Variants in ESRRG observed in about 807,000 individuals in gnomAD.
The protein encoded by ESRRG is estrogen related receptor gamma.
ESRRG carries 13 observed loss-of-function variants against 44.0 expected under a neutral mutation model. The ratio of observed to expected loss-of-function variants is 0.30; its 90% confidence interval spans 0.19 to 0.47. The LOEUF is 0.47. Among genes scored for constraint, ESRRG ranks in the 20% least tolerant of loss-of-function variants. The probability of loss-of-function intolerance (pLI) is 1.00; values close to 1 mark genes in which losing one functional copy is unlikely to be tolerated. For missense variants in ESRRG, 395 were observed against 580.6 expected (o/e 0.68, Z 3.29); for synonymous variants, 215 against 214.6 (o/e 1.00, Z -0.02).
At chr1:216,991,818 T>G (rs150065494) in intron 1 of ESRRG, among the ~76,000 whole-genome samples, 9 of 152,306 alleles carry the variant, frequency 5.9e-5, no homozygotes, top group African/African-American at 2.2e-4. Flanking sequence ...AAACTATACA[T>G]TCTGCAAATA....
At chr1:216,743,313 C>G (rs1480906052) in intron 2 of ESRRG, among the ~76,000 whole-genome samples, 1 of 152,100 alleles carries the variant, frequency 6.6e-6, no homozygotes, top group Non-Finnish European at 1.5e-5. Context: ...GGACACTGTG[C>G]CAAGGCAGCT....
intron 1 of ESRRG, among the ~76,000 whole-genome samples, chr1:217,113,633 T>C (rs1271765590): frequency 1.3e-5 from 2 of 152,124 alleles, no homozygotes; most frequent in Non-Finnish European, 2.9e-5. Context: ...TCGAAATAGT[T>C]TGTTCTCAGA....
At chr1:216,779,505 TA>T (rs2093828337) in intron 2 of ESRRG, among the ~76,000 whole-genome samples, 8 of 89,660 alleles carry the variant, frequency 8.9e-5, no homozygotes, top group African/African-American at 3.7e-4. Flanking sequence ...TATATATAAA[TA>T]TATATTTATA....
At chr1:216,808,530 A>G (rs1248194676) in intron 2 of ESRRG, among the ~76,000 whole-genome samples, 1 of 152,090 alleles carries the variant, frequency 6.6e-6, no homozygotes, top group African/African-American at 2.4e-5. Context: ...AGGTTTAAGC[A>G]ATCCTCTCAC....
intron 3 of ESRRG, among the ~76,000 whole-genome samples, chr1:216,574,677 T>C (rs2061384860): frequency 6.6e-6 from 1 of 152,150 alleles, no homozygotes; most frequent in Admixed American, 6.6e-5. Context: ...ATGGAATAGT[T>C]AAGAAAGACG....
chr1:217,031,180 C>T (rs1027209763), intron 1 of ESRRG, among the ~76,000 whole-genome samples: 4 of 152,160 alleles, frequency 2.6e-5, no homozygotes, highest in African/African-American at 9.7e-5. Context: ...CCATGTGTGA[C>T]CAGTGAAGTC....
intron 1 of ESRRG, among the ~76,000 whole-genome samples, chr1:216,952,098 A>T (rs374575236): frequency 1.9e-4 from 29 of 152,174 alleles, no homozygotes; most frequent in African/African-American, 7.0e-4. Context: ...TGTGTAAACG[A>T]TCTCTGCCCC....
At chr1:216,931,515 C>T (rs2063335220) in intron 2 of ESRRG, among the ~76,000 whole-genome samples, 1 of 152,108 alleles carries the variant, frequency 6.6e-6, no homozygotes, top group Non-Finnish European at 1.5e-5. Flanking sequence ...GAAATCTTCC[C>T]ACCCCTGCTG....
At chr1:216,909,324 T>C (rs959890471) in intron 2 of ESRRG, among the ~76,000 whole-genome samples, 13 of 152,140 alleles carry the variant, frequency 8.5e-5, no homozygotes, top group Non-Finnish European at 1.6e-4. Flanking sequence ...CTCCCCTGTC[T>C]ATGAAAGTAA....
intron 2 of ESRRG, among the ~76,000 whole-genome samples, chr1:216,783,985 T>G (rs1185772979): frequency 6.6e-6 from 1 of 152,120 alleles, no homozygotes; most frequent in Non-Finnish European, 1.5e-5. Flanking sequence ...TTGGGTGCCA[T>G]GTACTTGCTT....
chr1:216,600,576 A>G (rs2059069439), intron 3 of ESRRG, among the ~76,000 whole-genome samples: 1 of 151,988 alleles, frequency 6.6e-6, no homozygotes. Context: ...CCATGGGTAA[A>G]ATTGTGTCAT....
At chr1:216,959,082 C>A (rs1402038441) in intron 1 of ESRRG, among the ~76,000 whole-genome samples, 1 of 151,910 alleles carries the variant, frequency 6.6e-6, no homozygotes, top group Non-Finnish European at 1.5e-5. Context: ...TATCTTCCTT[C>A]TTTCCTTCCT....
At chr1:216,683,290 T>C (rs895578852) in intron 1 of ESRRG, among the ~76,000 whole-genome samples, 1 of 152,168 alleles carries the variant, frequency 6.6e-6, no homozygotes, top group African/African-American at 2.4e-5. Context: ...CTCAGAAAGA[T>C]AAAAACACAT....
At chr1:216,655,984 C>T (rs779954319) in intron 2 of ESRRG, among the ~76,000 whole-genome samples, 2 of 152,112 alleles carry the variant, frequency 1.3e-5, no homozygotes, top group Non-Finnish European at 2.9e-5. Context: ...AACAATGTTA[C>T]GTCTATTTTG....
At chr1:216,914,710 T>G (rs947623749) in intron 2 of ESRRG, among the ~76,000 whole-genome samples, 7 of 152,184 alleles carry the variant, frequency 4.6e-5, no homozygotes, top group African/African-American at 1.7e-4. Context: ...GATGCCAGTG[T>G]TCCTGATGCT....
chr1:216,742,187 T>C (rs1413472910), intron 2 of ESRRG, among the ~76,000 whole-genome samples: 5 of 152,216 alleles, frequency 3.3e-5, no homozygotes, highest in African/African-American at 7.2e-5. Context: ...TCCAGGATTT[T>C]TGCCTCAGCT....
chr1:216,532,675 A>T (rs1460066285), intron 5 of ESRRG, among the ~76,000 whole-genome samples: 1 of 152,142 alleles, frequency 6.6e-6, no homozygotes, highest in East Asian at 1.9e-4. Context: ...ATGCCTCAAC[A>T]AGAGAATTTA....
intron 1 of ESRRG, among the ~76,000 whole-genome samples, chr1:217,038,755 G>T (rs575413779): frequency 6.6e-6 from 1 of 152,236 alleles, no homozygotes; most frequent in East Asian, 1.9e-4. Flanking sequence ...TTGTCCTGGG[G>T]ATTAACATTC....
chr1:216,570,662 A>G (rs1020483559), intron 3 of ESRRG, among the ~76,000 whole-genome samples: 1 of 152,184 alleles, frequency 6.6e-6, no homozygotes, highest in Non-Finnish European at 1.5e-5. Flanking sequence ...TTGTCATCCA[A>G]TTCCAACCCA....
Sources: allele counts gnomAD v4.1 joint callset (sites outside exome capture counted in the v4.1 genomes callset), GRCh38; gene constraint gnomAD v4.1.1; transcripts MANE v1.5; gene names NCBI Gene and HGNC (gene_info 2026-07-23, HGNC 2026-07-21).